The following EML4 variants were observed in gnomAD, a reference collection of about 807,000 sequenced individuals.
EML4 encodes echinoderm microtubule-associated protein-like 4.
A neutral mutation model predicts 129.0 loss-of-function variants in EML4; 72 were observed. The observed-to-expected ratio is 0.56, with a 90% CI of 0.46 to 0.68. The LOEUF (loss-of-function observed/expected upper bound fraction) is 0.68. Ranked by LOEUF, EML4 falls within the 30% of genes least tolerant of loss-of-function variation. The pLI is 0.00. For synonymous variants in EML4, 532 were observed against 405.0 expected, an observed-to-expected ratio of 1.31 and a Z score of -3.77; for missense variants, 1,363 against 1,190.6, an observed-to-expected ratio of 1.14 and a Z score of -2.13.
rs143948813 is a variant in EML4, at chr2:42,217,863, T to G, written c.26-27642T>G. Among the ~76,000 whole-genome samples the G allele has an allele frequency of 7.2e-3, 1,092 of 152,352 alleles. 15 individuals carry two copies. Among genetic ancestry groups the G allele is most frequent in the African/African-American group, 0.025 (1,040 of 41,582 alleles). ...ATATGTAGATTTACTTCTAAATATG[T>G]AGAAGACATGGGGAATTTGATCTGG... On this transcript the variant is annotated intron_variant, in intron 1 of 22. Transcript: ENST00000318522.
chr2:42,261,939 A>C (rs1031728714), intron 4 of EML4, among the ~76,000 whole-genome samples: 2 of 152,200 alleles, frequency 1.3e-5, no homozygotes, highest in Non-Finnish European at 1.5e-5. Flanking sequence ...TAAATTGAGA[A>C]TCTAAACCTG....
chr2:42,328,105 ATTAT>A (rs756041138), intron 21 of EML4, among the ~76,000 whole-genome samples: 5 of 152,204 alleles, frequency 3.3e-5, no homozygotes, highest in African/African-American at 9.6e-5. Flanking sequence ...TAATGAAGAC[ATTAT>A]TTATTTAAAT....
intron 1 of EML4, among the ~76,000 whole-genome samples, chr2:42,177,019 C>G (rs1031694644): frequency 2.0e-5 from 3 of 152,146 alleles, no homozygotes; most frequent in Non-Finnish European, 4.4e-5. Flanking sequence ...TCTCAAACTC[C>G]TGACCTCAAG....
chr2:42,177,401 A>C (rs1670669217), intron 1 of EML4, among the ~76,000 whole-genome samples: 1 of 152,096 alleles, frequency 6.6e-6, no homozygotes, highest in Non-Finnish European at 1.5e-5. Flanking sequence ...CGGGCGGCTC[A>C]CTTGAGCTCA....
intron 1 of EML4, among the ~76,000 whole-genome samples, chr2:42,243,037 C>G (rs35510484): frequency 1.8e-4 from 27 of 152,094 alleles, no homozygotes; most frequent in African/African-American, 6.5e-4. Context: ...CTTGGCCTCC[C>G]TAAGTGCTAG....
At chr2:42,213,952 A>G (rs1673026768) in intron 1 of EML4, among the ~76,000 whole-genome samples, 1 of 152,240 alleles carries the variant, frequency 6.6e-6, no homozygotes, top group African/African-American at 2.4e-5. Flanking sequence ...AATTCCATCA[A>G]CAGTTACTGA....
At chr2:42,219,006 G>T (rs1292584919) in intron 1 of EML4, among the ~76,000 whole-genome samples, 1 of 152,070 alleles carries the variant, frequency 6.6e-6, no homozygotes, top group South Asian at 2.1e-4. Context: ...GTTAACTAAT[G>T]CTTGTTATGC....
intron 1 of EML4, among the ~76,000 whole-genome samples, chr2:42,242,939 A>T (rs1281316491): frequency 6.6e-6 from 1 of 151,844 alleles, no homozygotes; most frequent in African/African-American, 2.4e-5. Context: ...CACCATGCCC[A>T]GCTAATTTTT....
intron 6 of EML4, among the ~76,000 whole-genome samples, chr2:42,279,597 A>G (rs1666891279): frequency 1.3e-5 from 2 of 151,932 alleles, no homozygotes; most frequent in South Asian, 2.1e-4. Flanking sequence ...AGCTGGGACT[A>G]CAGGTGCCCG....
At chr2:42,269,479 C>G (rs1208535099) in intron 6 of EML4, among the ~76,000 whole-genome samples, 1 of 152,124 alleles carries the variant, frequency 6.6e-6, no homozygotes, top group Non-Finnish European at 1.5e-5. Context: ...CAGTGTTGAA[C>G]TGTGTGGAAC....
At chr2:42,207,215 A>T (rs1672610061) in intron 1 of EML4, among the ~76,000 whole-genome samples, 1 of 152,228 alleles carries the variant, frequency 6.6e-6, no homozygotes, top group Non-Finnish European at 1.5e-5. Context: ...TTATAAAAGT[A>T]ATTTTTAAAT....
intron 1 of EML4, among the ~76,000 whole-genome samples, chr2:42,172,587 C>A (rs1219094402): frequency 6.6e-6 from 1 of 152,158 alleles, no homozygotes; most frequent in South Asian, 2.1e-4. Flanking sequence ...TGGAATTTCC[C>A]TTAGGTATTA....
intron 20 of EML4, among the ~76,000 whole-genome samples, chr2:42,325,871 G>A (rs7588931): frequency 0.19 from 28,665 of 151,102 alleles, 3,874 homozygotes; most frequent in African/African-American, 0.38. Context: ...ATGCTGCTCT[G>A]AATGGTTTTT....
At chr2:42,288,727 A>C (rs920681228) in intron 11 of EML4, 1 of 153,410 alleles carries the variant, frequency 6.5e-6, no homozygotes, top group African/African-American at 2.4e-5. Context: ...GGCTTATGTT[A>C]AGTTTTTTGG....
At chr2:42,179,232 C>T (rs1466471602) in intron 1 of EML4, among the ~76,000 whole-genome samples, 2 of 148,788 alleles carry the variant, frequency 1.3e-5, no homozygotes, top group Admixed American at 1.3e-4. Context: ...AGATGGGGAA[C>T]ATCCTATTTT....
chr2:42,303,959 G>A (rs1317513206), intron 16 of EML4, among the ~76,000 whole-genome samples: 3 of 152,132 alleles, frequency 2.0e-5, no homozygotes, highest in South Asian at 2.1e-4. Flanking sequence ...AGTTAGCAGC[G>A]TAAAAGCTCA....
rs768191637 is a variant in EML4 at position 42,317,472 on chromosome 2, T to C, written c.2102T>C (p.Leu701Pro). ...GGATCTCATGACAACTTTATTTACC[T>C]CTATGTAGTCTCTGAAAATGGAAGA... ...AVGSHDNFIY[L>P]YVVSENGRKY... Residue 701 changes from leucine (L) to proline (P), a missense_variant, in exon 19 of 23, where the codon CTC becomes CCC. Coordinates refer to ENST00000318522, the MANE Select transcript of EML4 (RefSeq NM_019063.5). 1 of 1,613,086 alleles carries C rather than the reference T, an allele frequency of 6.2e-7. No homozygotes were observed. The highest frequency in any genetic ancestry group is 8.5e-7 in the Non-Finnish European group (1 of 1,179,406).
chr2:42,251,216 G>C (rs950129268), intron 2 of EML4, among the ~76,000 whole-genome samples: 1 of 152,210 alleles, frequency 6.6e-6, no homozygotes, highest in South Asian at 2.1e-4. Context: ...TACATAGGCA[G>C]TTGTAACACA....
chr2:42,329,083 G>C, intron 22 of EML4, 67 bp downstream of exon 22: 1 of 1,510,752 alleles, frequency 6.6e-7, no homozygotes, highest in Non-Finnish European at 9.0e-7. Flanking sequence ...TGCATCCATA[G>C]CAAGAAAATA....
Sources: allele counts gnomAD v4.1 joint callset (sites outside exome capture counted in the v4.1 genomes callset), GRCh38; gene constraint gnomAD v4.1.1; transcripts MANE v1.5; gene names NCBI Gene and HGNC (gene_info 2026-07-23, HGNC 2026-07-21).